Variants in TNFSF4 observed in about 807,000 individuals in gnomAD.
The protein encoded by TNFSF4 is tumor necrosis factor ligand superfamily member 4.
Under a neutral mutation model 7.3 loss-of-function variants are expected in TNFSF4, and 4 were observed. The observed-to-expected ratio is 0.55, with a 90% CI of 0.27 to 1.25. The LOEUF (loss-of-function observed/expected upper bound fraction) is 1.25. Ranked by LOEUF, TNFSF4 falls within the 50% of genes most tolerant of loss-of-function variation. The pLI is 0.12. For missense variants in TNFSF4, 181 were observed against 208.8 expected (o/e 0.87, Z 0.82); for synonymous variants, 76 against 83.7 (o/e 0.91, Z 0.50).
chr1:173,330,789 T>C, the TNFSF4 span, among the ~76,000 whole-genome samples: 4 of 152,140 alleles, frequency 2.6e-5, no homozygotes, highest in Admixed American at 2.6e-4. Context: ...AATGTCAAAC[T>C]TCAGTATATT....
chr1:173,339,550 T>C, the TNFSF4 span, among the ~76,000 whole-genome samples: 1 of 152,202 alleles, frequency 6.6e-6, no homozygotes, highest in Admixed American at 6.5e-5. Flanking sequence ...GTATGCATAG[T>C]AAAATTTGTA....
rs1349941646 is a variant in TNFSF4, at chr1:173,186,654, C to G, written c.414G>C (p.Leu138Phe). ...CTTTGTAAGTCAGAGAGGCCACCAT[C>G]AAGGAGTTGACAGACCTGACCTTCT... ...QLKKVRSVNSLMVASLTYKDK... is the reference protein window; with the variant it reads ...QLKKVRSVNSFMVASLTYKDK... Residue 138 changes from leucine to phenylalanine, a missense_variant, in exon 3 of 3, where the codon TTG becomes TTC. Coordinates refer to ENST00000281834, the MANE Select transcript of TNFSF4 (RefSeq NM_003326.5). 6.2e-7 allele frequency: 1 copy of G among 1,614,202 alleles called. No homozygotes were observed. Among genetic ancestry groups the G allele is most frequent in the South Asian group, 1.1e-5 (1 of 91,082 alleles).
chr1:173,415,187 TCA>T, the TNFSF4 span, among the ~76,000 whole-genome samples: 2 of 152,370 alleles, frequency 1.3e-5, no homozygotes, highest in African/African-American at 2.4e-5. Flanking sequence ...TTGCTGTTTT[TCA>T]CAGATATCAG....
At chr1:173,282,369 G>A in the TNFSF4 span, among the ~76,000 whole-genome samples, 1 of 151,772 alleles carries the variant, frequency 6.6e-6, no homozygotes, top group Admixed American at 6.6e-5. Flanking sequence ...TTTTCTTGGT[G>A]GTTGTAGAGT....
chr1:173,306,478 A>G, the TNFSF4 span, among the ~76,000 whole-genome samples: 1 of 151,906 alleles, frequency 6.6e-6, no homozygotes, highest in Non-Finnish European at 1.5e-5. Context: ...GTAATATTTC[A>G]CCATACGGTT....
At chr1:173,415,077 C>T in the TNFSF4 span, among the ~76,000 whole-genome samples, 1 of 152,230 alleles carries the variant, frequency 6.6e-6, no homozygotes, top group Admixed American at 6.5e-5. Flanking sequence ...TGCTGATTGG[C>T]TGTAAATCCC....
upstream of TNFSF4, among the ~76,000 whole-genome samples, chr1:173,212,077 G>A (rs1650390776): frequency 6.6e-6 from 1 of 152,156 alleles, no homozygotes; most frequent in African/African-American, 2.4e-5. Flanking sequence ...GCTAGAGTGT[G>A]GAGATATCAC....
the TNFSF4 span, among the ~76,000 whole-genome samples, chr1:173,248,552 C>G: frequency 6.6e-6 from 1 of 150,590 alleles, no homozygotes; most frequent in Non-Finnish European, 1.5e-5. Context: ...GAAAATTTCA[C>G]GAAAGAAAGA....
chr1:173,393,179 C>T, the TNFSF4 span, among the ~76,000 whole-genome samples: 1 of 152,170 alleles, frequency 6.6e-6, no homozygotes, highest in South Asian at 2.1e-4. Context: ...GATGTGGGAG[C>T]AAAATACAGA....
At chr1:173,264,547 A>C in the TNFSF4 span, among the ~76,000 whole-genome samples, 3 of 152,196 alleles carry the variant, frequency 2.0e-5, no homozygotes, top group East Asian at 5.8e-4. Context: ...CAAATCTTGA[A>C]ACTGCAGACT....
At chr1:173,267,604 G>C in the TNFSF4 span, among the ~76,000 whole-genome samples, 1 of 152,004 alleles carries the variant, frequency 6.6e-6, no homozygotes, top group South Asian at 2.1e-4. Flanking sequence ...TTATTAGTTC[G>C]TGGTTTCTGT....
chr1:173,368,133 G>A, the TNFSF4 span, among the ~76,000 whole-genome samples: 2 of 152,070 alleles, frequency 1.3e-5, no homozygotes, highest in Admixed American at 1.3e-4. Flanking sequence ...CACTCTAATA[G>A]GACAAAAATG....
chr1:173,304,428 G>T, the TNFSF4 span, among the ~76,000 whole-genome samples: 1 of 151,884 alleles, frequency 6.6e-6, no homozygotes, highest in Admixed American at 6.6e-5. Context: ...AATCTCACTG[G>T]CTAGAGAGAA....
chr1:173,191,406 G>C (rs1319196185), intron 1 of TNFSF4, among the ~76,000 whole-genome samples: 2 of 152,170 alleles, frequency 1.3e-5, no homozygotes, highest in African/African-American at 4.8e-5. Context: ...ATGTTGTGAA[G>C]TAGAAAAAGA....
chr1:173,333,809 C>T, the TNFSF4 span, among the ~76,000 whole-genome samples: 1 of 152,172 alleles, frequency 6.6e-6, no homozygotes, highest in Non-Finnish European at 1.5e-5. Context: ...CTAAGATAGA[C>T]TCAAACTGAA....
chr1:173,353,418 G>A, the TNFSF4 span, among the ~76,000 whole-genome samples: 2 of 152,176 alleles, frequency 1.3e-5, no homozygotes, highest in African/African-American at 4.8e-5. Flanking sequence ...CGGGGTCTCT[G>A]ACTTCCCGCA....
At chr1:173,396,336 C>T in the TNFSF4 span, among the ~76,000 whole-genome samples, 489 of 152,046 alleles carry the variant, frequency 3.2e-3, 5 homozygotes, top group African/African-American at 0.011. Context: ...AAAGTGAGAC[C>T]CCATCTCTAT....
the TNFSF4 span, among the ~76,000 whole-genome samples, chr1:173,437,702 A>G: frequency 1.3e-5 from 2 of 152,124 alleles, no homozygotes; most frequent in Non-Finnish European, 2.9e-5. Context: ...CTAAATTCCC[A>G]CATACACTAG....
At chr1:173,434,999 G>A in the TNFSF4 span, among the ~76,000 whole-genome samples, 3 of 152,140 alleles carry the variant, frequency 2.0e-5, no homozygotes, top group African/African-American at 7.2e-5. Flanking sequence ...TAATACTGAG[G>A]TTCCACCTAT....
Sources: allele counts gnomAD v4.1 joint callset (sites outside exome capture counted in the v4.1 genomes callset), GRCh38; gene constraint gnomAD v4.1.1; transcripts MANE v1.5; gene names NCBI Gene and HGNC (gene_info 2026-07-23, HGNC 2026-07-21).